Variants in ZNF329 observed in about 807,000 individuals in gnomAD.
The protein encoded by ZNF329 is zinc finger protein 329.
In ZNF329, 15 loss-of-function variants were observed where a neutral mutation model predicts 26.6. The ratio of observed to expected loss-of-function variants is 0.56; its 90% CI spans 0.38 to 0.87. The LOEUF (loss-of-function observed/expected upper bound fraction) is 0.87. ZNF329 is among the 40% of genes least tolerant of loss of function. ZNF329 has a pLI of 0.00. For missense variants in ZNF329, 651 were observed against 651.9 expected (o/e 1.00, Z 0.02); for synonymous variants, 239 against 233.5 (o/e 1.02, Z -0.21).
chr19:58,129,274 G>A lies in ZNF329; in HGVS notation c.230C>T (p.Ser77Leu), dbSNP rs1205076183. The A allele has an allele frequency of 3.1e-6, 5 of 1,614,068 alleles. No individual in the cohort carries two copies. In the African/African-American group the frequency reaches 5.3e-5, roughly 17 times the overall value. The change falls in exon 4 of 4, where the codon TCA becomes TTA. Residue 77 changes from serine (S) to leucine (L), a missense_variant. Ser to Leu is a moderately radical substitution (Grantham distance 145). Coordinates refer to ENST00000598312, the MANE Select transcript of ZNF329 (RefSeq NM_024620.4). ...PGFGEHLIAS[S>L]DLPPSQRVLA... ...AACTCTCTGAGACGGTGGAAGGTCTGAGCTTGCAATCAAATGCTCCCCAAA... is the reference window on the plus strand; with the variant it reads ...AACTCTCTGAGACGGTGGAAGGTCTAAGCTTGCAATCAAATGCTCCCCAAA...
chr19:58,133,834 TA>T (rs11403328), intron 3 of ZNF329, among the ~76,000 whole-genome samples: 1,737 of 145,518 alleles, frequency 0.012, 40 homozygotes, highest in African/African-American at 0.04. Context: ...TGTCATCTCT[TA>T]AAAAAAAAAA....
upstream of ZNF329, among the ~76,000 whole-genome samples, chr19:58,152,999 A>G (rs2075485372): frequency 6.6e-6 from 1 of 152,256 alleles, no homozygotes; most frequent in Non-Finnish European, 1.5e-5. Context: ...ATAATCTAGT[A>G]ATAAAGTTAA....
At position 58,129,323 on chromosome 19, in the gene ZNF329, C is replaced by T. The variant is rs561766362; in HGVS notation, c.181G>A (p.Glu61Lys). The T allele has an allele frequency of 1.2e-4, 189 of 1,614,218 alleles. 3 individuals are homozygous for T. In the South Asian group the frequency reaches 2.0e-3, roughly 17 times the overall value. The change falls in exon 4 of 4, where the codon GAA (glutamate) becomes AAA (lysine). Residue 61 changes from glutamate to lysine, a missense_variant. Physicochemically the swap from Glu to Lys is moderately conservative, Grantham distance 56 (BLOSUM62 1). Coordinates refer to ENST00000598312, the MANE Select transcript of ZNF329 (RefSeq NM_024620.4). ...AAACCAGGATATTCACAAATTGCTT[C>T]CTGAGTCCCTGGTTTCTCCAGAGTT... The part of the protein sequence containing the change: ...ALTLEKPGTQ[E>K]AICEYPGFGE...
intron 3 of ZNF329, among the ~76,000 whole-genome samples, chr19:58,133,360 T>TG (rs1425273636): frequency 1.3e-5 from 2 of 152,098 alleles, no homozygotes; most frequent in Non-Finnish European, 2.9e-5. Context: ...CCAAGGTGGA[T>TG]GGGTCACTTG....
chr19:58,151,517 C>T (rs796856844), upstream of ZNF329, among the ~76,000 whole-genome samples: 34 of 149,274 alleles, frequency 2.3e-4, no homozygotes, highest in African/African-American at 7.9e-4. Context: ...AAGAGAATCA[C>T]TTGAACCTGG....
intron 3 of ZNF329, among the ~76,000 whole-genome samples, chr19:58,139,391 G>A (rs551168689): frequency 4.6e-5 from 7 of 152,178 alleles, no homozygotes; most frequent in Non-Finnish European, 1.0e-4. Context: ...AATAGACTGG[G>A]TGGCTTAAAC....
chr19:58,146,442 C>G (rs926557643), intron 1 of ZNF329, among the ~76,000 whole-genome samples: 6 of 151,988 alleles, frequency 3.9e-5, no homozygotes, highest in African/African-American at 1.5e-4. Context: ...CCACTGCACT[C>G]TACCCTGGGT....
intron 1 of ZNF329, among the ~76,000 whole-genome samples, chr19:58,147,313 G>A (rs2075338301): frequency 6.8e-6 from 1 of 148,132 alleles, no homozygotes; most frequent in Non-Finnish European, 1.5e-5. Flanking sequence ...CCCTCCGCCA[G>A]GCAGCCGCCC....
At chr19:58,131,763 C>T (rs2074949509) in intron 3 of ZNF329, among the ~76,000 whole-genome samples, 1 of 152,146 alleles carries the variant, frequency 6.6e-6, no homozygotes, top group African/African-American at 2.4e-5. Context: ...GTGGGTCACG[C>T]CTGTAATCCC....
intron 3 of ZNF329, among the ~76,000 whole-genome samples, chr19:58,136,124 G>A (rs573825729): frequency 3.3e-5 from 5 of 151,498 alleles, no homozygotes; most frequent in East Asian, 1.9e-4. Flanking sequence ...CCAGCTACTC[G>A]GGAGGCTGAG....
chr19:58,129,176 AG>A lies in ZNF329; in HGVS notation c.327del (p.Tyr110IlefsTer33). On this transcript the variant is annotated frameshift_variant, in exon 4 of 4. Coordinates refer to ENST00000598312, the MANE Select transcript of ZNF329 (RefSeq NM_024620.4). LOFTEE classifies it high-confidence loss of function. ...CTCTTATCTGCATAACTTTTAGGAT[AG>A]CTGGGTAAGGCGGGGTCACAATCCA... ...SGLDCDPALPSYPKSYADKRT... is the reference protein window; with the variant it reads ...SGLDCDPALPXYPKSYADKRT... The A allele has an allele frequency of 1.2e-6, 2 of 1,614,180 alleles. No individual in the cohort carries two copies. Among genetic ancestry groups the A allele is most frequent in the Non-Finnish European group, 1.7e-6 (2 of 1,180,036 alleles).
intron 3 of ZNF329, among the ~76,000 whole-genome samples, chr19:58,137,383 G>A (rs1280359999): frequency 6.6e-6 from 1 of 151,794 alleles, no homozygotes; most frequent in Non-Finnish European, 1.5e-5. Flanking sequence ...GTGACACCTC[G>A]TCTCTACTAA....
At chr19:58,129,600 G>T in intron 3 of ZNF329, 89 bp from the exon 4 acceptor site, 1 of 1,153,572 alleles carries the variant, frequency 8.7e-7, no homozygotes, top group Non-Finnish European at 1.2e-6. Flanking sequence ...GTGTAAAGAT[G>T]TGTATTTTTT....
intron 3 of ZNF329, among the ~76,000 whole-genome samples, chr19:58,139,221 C>T (rs891076054): frequency 9.9e-5 from 15 of 152,088 alleles, no homozygotes; most frequent in African/African-American, 3.4e-4. Flanking sequence ...AACTTAAACA[C>T]CACCAAGAAA....
rs780862344 is a variant in ZNF329, at chr19:58,128,250, C to T, written c.1254G>A (p.Gln418=). 1.2e-6 allele frequency: 2 copies of T among 1,600,314 alleles called. No homozygotes were observed. The highest frequency in any genetic ancestry group is 1.1e-5 in the South Asian group (1 of 88,790). Residue 418 remains glutamine (Q), a synonymous_variant, in exon 4 of 4, where the codon CAG becomes CAA. Transcript: ENST00000598312. ...AGGGCTTCTCGCCAGTATGAATCCT[C>T]TGATGCCTGATGAGGTACGCACTCT... ...FIESAYLIRH[Q]RIHTGEKPYG...
chr19:58,148,796 C>T (rs1431150785), intron 1 of ZNF329, among the ~76,000 whole-genome samples: 5 of 152,128 alleles, frequency 3.3e-5, no homozygotes, highest in African/African-American at 1.2e-4. Flanking sequence ...AGTAACTCAG[C>T]CAAAAAAACT....
At chr19:58,145,012 G>T (rs1426302303) in intron 1 of ZNF329, among the ~76,000 whole-genome samples, 1 of 151,624 alleles carries the variant, frequency 6.6e-6, no homozygotes. Flanking sequence ...ACCATGCCTG[G>T]CTAATTTTTT....
At chr19:58,141,454 A>G (rs1224237301) in intron 3 of ZNF329, among the ~76,000 whole-genome samples, 1 of 151,996 alleles carries the variant, frequency 6.6e-6, no homozygotes, top group African/African-American at 2.4e-5. Context: ...ATGTGCCACC[A>G]TGCCTAATTT....
chr19:58,131,131 G>T (rs2074933353), intron 3 of ZNF329, among the ~76,000 whole-genome samples: 1 of 151,824 alleles, frequency 6.6e-6, no homozygotes, highest in African/African-American at 2.4e-5. Context: ...GTGTGTGTGT[G>T]TGTGTGTGTG....
Sources: allele counts gnomAD v4.1 joint callset (sites outside exome capture counted in the v4.1 genomes callset), GRCh38; gene constraint gnomAD v4.1.1; transcripts MANE v1.5; gene names NCBI Gene and HGNC (gene_info 2026-07-23, HGNC 2026-07-21).